Variants in PDE11A observed in about 807,000 individuals in gnomAD.
PDE11A encodes dual 3',5'-cyclic-AMP and -GMP phosphodiesterase 11A.
PDE11A carries 100 observed loss-of-function variants against 100.5 expected under a neutral mutation model. The ratio of observed to expected loss-of-function variants is 1.00; its 90% CI spans 0.85 to 1.18. The LOEUF (loss-of-function observed/expected upper bound fraction) is 1.18, where lower values mean the gene tolerates loss of function less well. Ranked by LOEUF, PDE11A falls within the 50% of genes most tolerant of loss-of-function variation. The pLI, the probability that PDE11A is intolerant of heterozygous loss-of-function variation, is 0.00. For synonymous variants in PDE11A, 381 were observed against 420.8 expected (o/e 0.91, Z 1.16); for missense variants, 1,141 against 1,152.6 (o/e 0.99, Z 0.15).
At chr2:178,102,015 G>A (rs373152390) in intron 2 of PDE11A, among the ~76,000 whole-genome samples, 1 of 151,942 alleles carries the variant, frequency 6.6e-6, no homozygotes, top group African/African-American at 2.4e-5. Context: ...CCAGGCGGGA[G>A]TGCAGCTGTG....
chr2:177,762,108 A>G (rs1403646021), intron 10 of PDE11A, among the ~76,000 whole-genome samples: 1 of 152,128 alleles, frequency 6.6e-6, no homozygotes, highest in African/African-American at 2.4e-5. Context: ...GATGGACAGG[A>G]GCAGGAGATG....
chr2:177,625,472 A>T lies in PDE11A; in HGVS notation c.*3935T>A, dbSNP rs1378334827. Reference sequence around the variant, plus strand: ...CTTTGCAGTATGTGAAGCTGTCCCTACCCACCAGGATTGCCACTACATTGT... The same window carrying T: ...CTTTGCAGTATGTGAAGCTGTCCCTTCCCACCAGGATTGCCACTACATTGT... On this transcript the variant is annotated 3_prime_UTR_variant, in exon 20 of 20. Coordinates refer to ENST00000286063, the MANE Select transcript of PDE11A (RefSeq NM_016953.4). The T allele has an allele frequency of 6.6e-6, 1 of 152,552 alleles. No individual in the cohort carries two copies. The highest frequency in any genetic ancestry group is 1.5e-5 in the Non-Finnish European group (1 of 68,052). 9.4% of individuals were successfully genotyped at this position (152,552 alleles called of 1,614,324 possible). A position where few individuals can be genotyped will look rare whatever the true frequency, so the allele number is the denominator to read the frequency against.
At position 178,072,122 on chromosome 2, in the gene PDE11A, T is replaced by A; in HGVS notation, c.316A>T (p.Ser106Cys). The A allele has an allele frequency of 6.2e-7, 1 of 1,613,928 alleles. No individual in the cohort carries two copies. The highest frequency in any genetic ancestry group is 8.5e-7 in the Non-Finnish European group (1 of 1,179,842). Reference protein sequence around the residue: ...VPLSPSWAGGSRGDGNLQRRA... With the variant: ...VPLSPSWAGGCRGDGNLQRRA... ...CGCTGCAGGTTCCCATCGCCCCTGC[T>A]GCCACCGGCCCAGCTGGGACTCAAG... is the stretch of plus-strand genomic sequence containing the variant. The change falls in exon 1 of 20, where the codon AGC (serine) becomes TGC (cysteine). Residue 106 changes from serine to cysteine, a missense_variant. Transcript: ENST00000286063.
At chr2:177,873,895 G>C (rs2084187025) in intron 5 of PDE11A, among the ~76,000 whole-genome samples, 1 of 152,082 alleles carries the variant, frequency 6.6e-6, no homozygotes, top group Non-Finnish European at 1.5e-5. Flanking sequence ...AATTACTCTT[G>C]AGTATTACAT....
intron 2 of PDE11A, among the ~76,000 whole-genome samples, chr2:178,098,061 A>G (rs1361416933): frequency 6.6e-6 from 1 of 152,190 alleles, no homozygotes; most frequent in Admixed American, 6.5e-5. Context: ...GGGAAAAAAT[A>G]AAATAAAAAA....
At chr2:177,913,971 A>G (rs2084916966) in intron 2 of PDE11A, among the ~76,000 whole-genome samples, 1 of 152,130 alleles carries the variant, frequency 6.6e-6, no homozygotes, top group South Asian at 2.1e-4. Context: ...AAAAGGCTCT[A>G]CCAATTTATA....
intron 18 of PDE11A, among the ~76,000 whole-genome samples, chr2:177,664,532 T>C (rs570477311): frequency 6.6e-6 from 1 of 152,180 alleles, no homozygotes; most frequent in Non-Finnish European, 1.5e-5. Context: ...TATCTCTTCA[T>C]TCCCAGCCCT....
At chr2:177,903,159 C>T (rs1475535053) in intron 3 of PDE11A, among the ~76,000 whole-genome samples, 4 of 152,110 alleles carry the variant, frequency 2.6e-5, no homozygotes, top group African/African-American at 9.7e-5. Context: ...ACACACTGAC[C>T]AAGCTTTCTC....
intron 2 of PDE11A, among the ~76,000 whole-genome samples, chr2:178,008,257 T>C (rs1172345978): frequency 2.0e-5 from 3 of 152,188 alleles, no homozygotes; most frequent in African/African-American, 7.2e-5. Flanking sequence ...AAAAAGTACC[T>C]TTGAAAAGTA....
intron 2 of PDE11A, among the ~76,000 whole-genome samples, chr2:177,982,410 G>A (rs895614935): frequency 6.6e-6 from 1 of 150,512 alleles, no homozygotes; most frequent in African/African-American, 2.4e-5. Context: ...TTCTAACATT[G>A]CAATCATGGG....
Position 177,840,394 on chromosome 2 carries a change from A to G in PDE11A, c.1368-11T>C. The G allele has an allele frequency of 6.2e-7, 1 of 1,613,364 alleles. No homozygotes were observed. Among genetic ancestry groups the G allele is most frequent in the Non-Finnish European group, 8.5e-7 (1 of 1,179,342 alleles). On this transcript the variant is annotated splice_polypyrimidine_tract_variant and intron_variant, in intron 5 of 19. Transcript: ENST00000286063. ...ATGCTTTCTTTGAAACTATCAGAGC[A>G]CCAAGGTAGGCAGGAAGAAAAGAGA...
chr2:177,941,200 T>G lies in PDE11A; in HGVS notation c.1072-36013A>C, dbSNP rs1365664718. Among the ~76,000 whole-genome samples the G allele has an allele frequency of 1.4e-4, 22 of 152,248 alleles. 1 individual carries two copies. The highest frequency in any genetic ancestry group is 1.4e-3 in the Admixed American group (22 of 15,282). On this transcript the variant is annotated intron_variant, in intron 2 of 19. Transcript: ENST00000286063. ...TGATTTAGGTATTACTAACTCATTT[T>G]GACAGACTAGGAAACTGTGGCTTGA...
chr2:177,983,544 A>G (rs775465106), intron 2 of PDE11A, among the ~76,000 whole-genome samples: 11 of 152,238 alleles, frequency 7.2e-5, no homozygotes, highest in Non-Finnish European at 1.5e-4. Flanking sequence ...TAAAGCAGCT[A>G]TAATCAAAAC....
chr2:177,994,780 T>C (rs1179183104), intron 2 of PDE11A, among the ~76,000 whole-genome samples: 2 of 152,200 alleles, frequency 1.3e-5, no homozygotes, highest in Non-Finnish European at 2.9e-5. Flanking sequence ...CCATAATTTG[T>C]AGTTTTGTTG....
intron 9 of PDE11A, among the ~76,000 whole-genome samples, chr2:177,802,231 C>T (rs1022278263): frequency 6.6e-6 from 1 of 152,058 alleles, no homozygotes; most frequent in Non-Finnish European, 1.5e-5. Context: ...GACTGCAGAA[C>T]AACTAAGACT....
rs565802990 is a variant in PDE11A, at chr2:178,102,121, ATCTG to A, written c.162+2177_162+2180del. Among the ~76,000 whole-genome samples, 142 of 145,244 alleles carry A rather than the reference ATCTG, an allele frequency of 9.8e-4. 2 individuals are homozygous for A. Among genetic ancestry groups the A allele is most frequent in the African/African-American group, 3.3e-3 (130 of 38,960 alleles). On this transcript the variant is annotated intron_variant, in intron 2 of 20. Coordinates refer to the PDE11A transcript ENST00000358450. Reference sequence around the variant, plus strand: ...TAGGACTAGAGGAATATGCCACCACATCTGTCTAATTTTTTTTTTTTTTGAGACA... The same window carrying A: ...TAGGACTAGAGGAATATGCCACCACATCTAATTTTTTTTTTTTTTGAGACA...
chr2:178,039,734 T>TA (rs1177147579), intron 1 of PDE11A, among the ~76,000 whole-genome samples: 1 of 151,982 alleles, frequency 6.6e-6, no homozygotes, highest in African/African-American at 2.4e-5. Flanking sequence ...AGTAGAATGA[T>TA]AAATTGTGAT....
intron 6 of PDE11A, 53 bp downstream of exon 6, chr2:177,840,198 T>C: frequency 6.3e-7 from 1 of 1,584,652 alleles, no homozygotes; most frequent in Non-Finnish European, 8.7e-7. Context: ...TCAACTGTTT[T>C]CAACAGTGCG....
chr2:177,808,866 A>G (rs2082909301), intron 9 of PDE11A, among the ~76,000 whole-genome samples: 1 of 152,208 alleles, frequency 6.6e-6, no homozygotes, highest in African/African-American at 2.4e-5. Flanking sequence ...CAACCCTAGT[A>G]TCCACTAATG....
Sources: allele counts gnomAD v4.1 joint callset (sites outside exome capture counted in the v4.1 genomes callset), GRCh38; gene constraint gnomAD v4.1.1; transcripts MANE v1.5; gene names NCBI Gene and HGNC (gene_info 2026-07-23, HGNC 2026-07-21).